Variants in DNAH11 observed in about 807,000 individuals in gnomAD.
DNAH11 encodes dynein axonemal heavy chain 11.
DNAH11 carries 442 observed loss-of-function variants against 526.0 expected under a neutral mutation model. That is an observed-to-expected ratio of 0.84 (90% confidence interval 0.78 to 0.91). The LOEUF (loss-of-function observed/expected upper bound fraction) is 0.91, where lower values mean the gene tolerates loss of function less well. Ranked by LOEUF, DNAH11 falls within the 40% of genes least tolerant of loss-of-function variation. DNAH11 has a pLI of 0.00. For missense variants in DNAH11, 6,989 were observed against 5,448.7 expected (o/e 1.28, Z -8.90); for synonymous variants, 2,461 against 1,935.9 (o/e 1.27, Z -7.12).
At position 21,607,562 on chromosome 7, in the gene DNAH11, A is replaced by G. The variant is rs1785343096; in HGVS notation, c.3852+829A>G. 2.0e-5 allele frequency among the ~76,000 whole-genome samples: 3 copies of G among 152,140 alleles called. No individual in the cohort carries two copies. In the South Asian group the frequency reaches 6.2e-4, roughly 32 times the overall value. ...ATATGTCAAGAATTTTGTTAAGCAT[A>G]TGACTTTCATTATTTCTTTTTAATT... On this transcript the variant is annotated intron_variant, in intron 20 of 81. Transcript: ENST00000409508.
intron 30 of DNAH11, among the ~76,000 whole-genome samples, chr7:21,662,307 CAT>C (rs1005764733): frequency 2.0e-5 from 3 of 152,200 alleles, no homozygotes; most frequent in South Asian, 2.1e-4. Flanking sequence ...AATTTTGTAA[CAT>C]GTGTGCCTAC....
intron 65 of DNAH11, among the ~76,000 whole-genome samples, chr7:21,833,875 C>T (rs1038714621): frequency 3.3e-5 from 5 of 152,014 alleles, no homozygotes; most frequent in African/African-American, 7.2e-5. Context: ...TTCATTTAAA[C>T]GTCAGTCAAT....
intron 65 of DNAH11, among the ~76,000 whole-genome samples, chr7:21,819,554 C>T (rs965289979): frequency 2.0e-5 from 3 of 152,074 alleles, no homozygotes; most frequent in Non-Finnish European, 4.4e-5. Context: ...GAAGTGAAAT[C>T]CTTGTTATTA....
At position 21,559,722 on chromosome 7, in the gene DNAH11, A is replaced by C. The variant is rs1240440566; in HGVS notation, c.812A>C (p.His271Pro). The change falls in exon 4 of 82, where the codon CAC becomes CCC. Residue 271 changes from histidine (H) to proline (P), a missense_variant. By Grantham distance (77) the His-to-Pro change is moderately conservative. Transcript: ENST00000409508. ...DSVQRLLNGL[H>P]LSPQAELDFW... ...GTGCAGCGTTTGTTGAATGGTCTTC[A>C]CTTGTCTCCTCAAGCAGAACTAGAT... The C allele has an allele frequency of 1.2e-6, 2 of 1,609,682 alleles. No individual in the cohort carries two copies. Among genetic ancestry groups the C allele is most frequent in the African/African-American group, 1.3e-5 (1 of 74,908 alleles).
chr7:21,783,234 G>A (rs1157970408), intron 57 of DNAH11, among the ~76,000 whole-genome samples: 5 of 152,022 alleles, frequency 3.3e-5, no homozygotes, highest in Admixed American at 2.6e-4. Context: ...AGGGTTCTCC[G>A]ATTTACATTA....
At chr7:21,677,039 A>T (rs1583585391) in intron 30 of DNAH11, among the ~76,000 whole-genome samples, 2 of 152,340 alleles carry the variant, frequency 1.3e-5, no homozygotes, top group East Asian at 1.9e-4. Flanking sequence ...GCCTTTGTGG[A>T]ACATAAAATC....
chr7:21,685,271 C>T (rs957833281), intron 32 of DNAH11, among the ~76,000 whole-genome samples: 4 of 152,188 alleles, frequency 2.6e-5, no homozygotes, highest in East Asian at 1.9e-4. Flanking sequence ...GTCTACCGTA[C>T]GCATGCCATT....
Position 21,854,379 on chromosome 7 carries a change from C to T in DNAH11, c.11126C>T (p.Ala3709Val), listed in dbSNP as rs1360195794. 2 of 1,613,752 alleles carry T rather than the reference C, an allele frequency of 1.2e-6. No homozygotes were observed. Among genetic ancestry groups the T allele is most frequent in the Admixed American group, 3.3e-5 (2 of 60,014 alleles). ...NEARECYRPVAARASLLYFVI... is the reference protein window; with the variant it reads ...NEARECYRPVVARASLLYFVI... ...GCCCGAGAATGTTACAGACCAGTGG[C>T]AGCAAGAGCATCTCTTCTTTATTTT... The change falls in exon 68 of 82, where the codon GCA becomes GTA. Residue 3709 changes from alanine to valine, a missense_variant. Physicochemically the swap from Ala to Val is moderately conservative, Grantham distance 64 (BLOSUM62 0). Transcript: ENST00000409508.
chr7:21,775,711 A>G (rs986107961), intron 56 of DNAH11, among the ~76,000 whole-genome samples: 13 of 151,904 alleles, frequency 8.6e-5, no homozygotes, highest in Non-Finnish European at 1.2e-4. Context: ...GTTTTCTTCT[A>G]TCTGTCTATC....
At chr7:21,766,338 A>G (rs1787184217) in intron 55 of DNAH11, among the ~76,000 whole-genome samples, 2 of 152,218 alleles carry the variant, frequency 1.3e-5, no homozygotes, top group Middle Eastern at 3.2e-3. Flanking sequence ...TTCTGATTAC[A>G]TAGCTTGGAA....
At chr7:21,791,101 C>T (rs115394871) in intron 61 of DNAH11, among the ~76,000 whole-genome samples, 1,629 of 152,134 alleles carry the variant, frequency 0.011, 23 homozygotes, top group African/African-American at 0.037. Flanking sequence ...TACAGAGAGA[C>T]GGGAGGAATA....
At chr7:21,878,222 AT>A (rs957274253) in intron 74 of DNAH11, among the ~76,000 whole-genome samples, 1 of 152,084 alleles carries the variant, frequency 6.6e-6, no homozygotes, top group African/African-American at 2.4e-5. Context: ...CCTGATTCAT[AT>A]TTTTTTCCTG....
At position 21,789,684 on chromosome 7, in the gene DNAH11, C is replaced by T. The variant is rs77252141; in HGVS notation, c.10026+342C>T. Among the ~76,000 whole-genome samples the T allele has an allele frequency of 1.1e-3, 169 of 152,130 alleles. 4 individuals are homozygous for T. In the East Asian group the frequency reaches 0.028, roughly 25 times the overall value. Reference sequence around the variant, plus strand: ...GGCTCCACTGTTTACTGTTGCATCCCGTACAAGGTAGTTAACCTCTATGAG... The same window carrying T: ...GGCTCCACTGTTTACTGTTGCATCCTGTACAAGGTAGTTAACCTCTATGAG... On this transcript the variant is annotated intron_variant, in intron 61 of 81. Coordinates refer to ENST00000409508, the MANE Select transcript of DNAH11 (RefSeq NM_001277115.2).
chr7:21,633,673 C>G (rs1391496412), intron 25 of DNAH11, among the ~76,000 whole-genome samples: 1 of 152,098 alleles, frequency 6.6e-6, no homozygotes, highest in African/African-American at 2.4e-5. Flanking sequence ...TAGGAAGATG[C>G]ACTTGAGTAG....
At chr7:21,661,713 A>G (rs1782248935) in intron 30 of DNAH11, among the ~76,000 whole-genome samples, 1 of 152,164 alleles carries the variant, frequency 6.6e-6, no homozygotes, top group South Asian at 2.1e-4. Context: ...ACTATGGACA[A>G]GCTATTTAGC....
At position 21,639,868 on chromosome 7, in the gene DNAH11, G is replaced by T. The variant is rs373552600; in HGVS notation, c.4944+803G>T. Among the ~76,000 whole-genome samples, 93 of 149,180 alleles carry T rather than the reference G, an allele frequency of 6.2e-4. 1 individual carries two copies. The highest frequency in any genetic ancestry group is 2.3e-3 in the African/African-American group (92 of 40,856). On this transcript the variant is annotated intron_variant, in intron 28 of 81. Coordinates refer to ENST00000409508, the MANE Select transcript of DNAH11 (RefSeq NM_001277115.2). ...TATATAATTGTGGAGTTTTCTCCAT[G>T]TTTTTTTTTTCTCAGAAAAATTTTA...
rs139559236 is a variant in DNAH11 at position 21,675,501 on chromosome 7, G to A, written c.5329-6045G>A. The stretch of plus-strand genomic sequence containing the variant: ...AAGGCCTTATTTCTGTGTGCTGTCA[G>A]CATACTTTCTACTTGCCCTAGCAAA... On this transcript the variant is annotated intron_variant, in intron 30 of 81. Transcript: ENST00000409508. Among the ~76,000 whole-genome samples, 8 of 152,310 alleles carry A rather than the reference G, an allele frequency of 5.3e-5. 1 individual carries two copies. The East Asian group carries it at 1.5e-3, about 29-fold the overall frequency.
intron 74 of DNAH11, among the ~76,000 whole-genome samples, chr7:21,875,619 C>T (rs115171520): frequency 0.023 from 3,429 of 152,178 alleles, 65 homozygotes; most frequent in African/African-American, 0.049. Flanking sequence ...TATGATCACA[C>T]CACTGTGCTT....
intron 75 of DNAH11, among the ~76,000 whole-genome samples, chr7:21,881,730 T>C (rs184854288): frequency 2.0e-5 from 3 of 152,370 alleles, no homozygotes; most frequent in Admixed American, 6.5e-5. Context: ...TATTGTTTTA[T>C]GTTCCTTCAG....
Sources: allele counts gnomAD v4.1 joint callset (sites outside exome capture counted in the v4.1 genomes callset), GRCh38; gene constraint gnomAD v4.1.1; transcripts MANE v1.5; gene names NCBI Gene and HGNC (gene_info 2026-07-23, HGNC 2026-07-21).